Variants in NELL1 observed in about 807,000 individuals in gnomAD.
NELL1 encodes neural EGFL like 1.
In NELL1, 76 loss-of-function variants were observed where a neutral mutation model predicts 107.4. That is an observed-to-expected ratio of 0.71 (90% confidence interval 0.59 to 0.86). NELL1 has a LOEUF of 0.86. Ranked by LOEUF, NELL1 falls within the 40% of genes least tolerant of loss-of-function variation. NELL1 has a pLI of 0.00. For synonymous variants in NELL1, 353 were observed against 341.2 expected (o/e 1.03, Z -0.38); for missense variants, 1,024 against 1,005.5 (o/e 1.02, Z -0.25).
intron 3 of NELL1, among the ~76,000 whole-genome samples, chr11:20,829,068 A>AC (rs1554928140): frequency 6.6e-6 from 1 of 152,116 alleles, no homozygotes. Context: ...ACAGTGATTT[A>AC]TTTTTTTAAC....
chr11:21,305,441 G>A (rs1393725686), intron 14 of NELL1, among the ~76,000 whole-genome samples: 3 of 151,974 alleles, frequency 2.0e-5, no homozygotes, highest in African/African-American at 7.2e-5. Context: ...CCTGATGGGT[G>A]ACAAGCATAA....
chr11:20,826,655 G>C (rs946491793), intron 3 of NELL1, among the ~76,000 whole-genome samples: 1 of 151,020 alleles, frequency 6.6e-6, no homozygotes, highest in Non-Finnish European at 1.5e-5. Flanking sequence ...ACCGGCTGGG[G>C]GATTGACACC....
intron 12 of NELL1, among the ~76,000 whole-genome samples, chr11:21,093,731 A>G (rs1410472879): frequency 6.6e-6 from 1 of 152,224 alleles, no homozygotes; most frequent in Non-Finnish European, 1.5e-5. Context: ...GAGCTTGTGC[A>G]GTGGAACTTC....
In NELL1 at chr11:20,823,694, CAA is replaced by C. The variant is rs1184224903; in HGVS notation, c.336-23887_336-23886del. ...AATAAGTTTCCAGGTGATTCTAATG[CAA>C]ATACTCTGCCAAGTATGTGGGAATC... On this transcript the variant is annotated intron_variant, in intron 3 of 19. Coordinates refer to ENST00000357134, the MANE Select transcript of NELL1 (RefSeq NM_006157.5). Among the ~76,000 whole-genome samples, 3 of 151,036 alleles carry C rather than the reference CAA, an allele frequency of 2.0e-5. 1 individual carries two copies. Among genetic ancestry groups the C allele is most frequent in the Non-Finnish European group, 4.4e-5 (3 of 67,532 alleles).
At chr11:21,389,113 T>C (rs1851812201) in intron 15 of NELL1, among the ~76,000 whole-genome samples, 1 of 151,858 alleles carries the variant, frequency 6.6e-6, no homozygotes, top group South Asian at 2.1e-4. Context: ...CAATAGCTAG[T>C]ATTTTTCAGA....
At chr11:21,333,300 C>A (rs1306256903) in intron 14 of NELL1, among the ~76,000 whole-genome samples, 1 of 152,030 alleles carries the variant, frequency 6.6e-6, no homozygotes. Context: ...GTTTTGAATT[C>A]TATCATTTAC....
At chr11:20,719,692 G>A (rs1855334550) in intron 2 of NELL1, among the ~76,000 whole-genome samples, 1 of 152,168 alleles carries the variant, frequency 6.6e-6, no homozygotes, top group Non-Finnish European at 1.5e-5. Flanking sequence ...ACCCATAGAG[G>A]TTGGAAGCAT....
At chr11:20,860,711 G>T (rs1848963365) in intron 4 of NELL1, among the ~76,000 whole-genome samples, 1 of 152,146 alleles carries the variant, frequency 6.6e-6, no homozygotes, top group Admixed American at 6.5e-5. Context: ...TTTATATAAG[G>T]CTTTTGGTGA....
intron 5 of NELL1, among the ~76,000 whole-genome samples, chr11:20,912,322 A>G (rs1850150251): frequency 6.6e-6 from 1 of 152,114 alleles, no homozygotes; most frequent in Admixed American, 6.6e-5. Flanking sequence ...GAATTTTTTC[A>G]CTTCAAAACA....
Position 21,570,851 on chromosome 11 carries a change from G to C in NELL1, c.2068G>C (p.Val690Leu). Residue 690 changes from valine (V) to leucine (L), a missense_variant, in exon 18 of 20, where the codon GTC becomes CTC. Coordinates refer to ENST00000357134, the MANE Select transcript of NELL1 (RefSeq NM_006157.5). The part of the protein sequence containing the change: ...LFCCPECDTR[V>L]TSQCLDQNGH... ...CTGTTGCCCAGAATGTGACACCAGA[G>C]TCACAAGTCAATGTTTAGACCAAAA... is the stretch of plus-strand genomic sequence containing the variant. The C allele has an allele frequency of 6.2e-7, 1 of 1,612,044 alleles. No individual in the cohort carries two copies.
In NELL1 at chr11:21,062,867, G is replaced by A. The variant is rs1428621705; in HGVS notation, c.1301-50722G>A. 2.0e-5 allele frequency among the ~76,000 whole-genome samples: 3 copies of A among 151,760 alleles called. No individual in the cohort carries two copies. The South Asian group carries it at 6.3e-4, about 32-fold the overall frequency. ...TTTTTAGACAGAGTCTCACTCTGTC[G>A]CCCAGACTGGGGTGCATTGGCACAA... is the stretch of plus-strand genomic sequence containing the variant. On this transcript the variant is annotated intron_variant, in intron 12 of 19. Coordinates refer to ENST00000357134, the MANE Select transcript of NELL1 (RefSeq NM_006157.5).
intron 12 of NELL1, among the ~76,000 whole-genome samples, chr11:21,013,206 A>G (rs1399187518): frequency 1.3e-5 from 2 of 152,034 alleles, no homozygotes; most frequent in Admixed American, 1.3e-4. Flanking sequence ...CACTGTTCTA[A>G]TTTTTTGCAA....
intron 4 of NELL1, among the ~76,000 whole-genome samples, chr11:20,859,010 G>A (rs1029359599): frequency 6.6e-6 from 1 of 152,234 alleles, no homozygotes; most frequent in South Asian, 2.1e-4. Context: ...CATTTTGCCT[G>A]AGGAACGTGA....
At chr11:21,313,703 G>T (rs1255983042) in intron 14 of NELL1, among the ~76,000 whole-genome samples, 1 of 152,044 alleles carries the variant, frequency 6.6e-6, no homozygotes, top group African/African-American at 2.4e-5. Flanking sequence ...GGTAGTGCAG[G>T]GCATCACATG....
chr11:21,265,621 A>G lies in NELL1; in HGVS notation c.1549+36167A>G, dbSNP rs1848619929. Among the ~76,000 whole-genome samples the G allele has an allele frequency of 2.0e-5, 3 of 152,044 alleles. No homozygotes were observed. The South Asian group carries it at 6.2e-4, about 31-fold the overall frequency. On this transcript the variant is annotated intron_variant, in intron 14 of 19. Transcript: ENST00000357134. ...TTTATAATCATTGGTTCTCTAGGAC[A>G]ACATCCAATAAGTCTCAAGAGCTTT...
Position 21,299,626 on chromosome 11 carries a change from T to C in NELL1, c.1549+70172T>C, listed in dbSNP as rs571329432. On this transcript the variant is annotated intron_variant, in intron 14 of 19. Coordinates refer to ENST00000357134, the MANE Select transcript of NELL1 (RefSeq NM_006157.5). ...ACCTGTAATAAGTTAGACACTGTTT[T>C]AGGTCAGGGTGAGCAATCTGTGCAT... 3.3e-5 allele frequency among the ~76,000 whole-genome samples: 5 copies of C among 151,598 alleles called. No individual in the cohort carries two copies. The South Asian group carries it at 1.0e-3, about 32-fold the overall frequency.
intron 12 of NELL1, among the ~76,000 whole-genome samples, chr11:21,049,306 G>A (rs1354759879): frequency 6.6e-6 from 1 of 152,196 alleles, no homozygotes; most frequent in Non-Finnish European, 1.5e-5. Context: ...GCCTTTATAA[G>A]GGAGCTAGGC....
In NELL1 at chr11:21,086,733, G is replaced by C. The variant is rs189716104; in HGVS notation, c.1301-26856G>C. Among the ~76,000 whole-genome samples the C allele has an allele frequency of 1.5e-4, 22 of 150,824 alleles. 1 individual carries two copies. In the South Asian group the frequency reaches 4.6e-3, roughly 32 times the overall value. On this transcript the variant is annotated intron_variant, in intron 12 of 19. Transcript: ENST00000357134. ...AAGATAAAACTCAGTGTGACTTTCA[G>C]ATAAAGAGCTTCTGATTTGAAAGGC...
At position 21,146,280 on chromosome 11, in the gene NELL1, T is replaced by C. The variant is rs183080676; in HGVS notation, c.1426+32566T>C. ...AGTTAAAAAAAAAAATGACCAATGA[T>C]AAAGGGCCACTTACAGAGGCATAAG... On this transcript the variant is annotated intron_variant, in intron 13 of 19. Coordinates refer to ENST00000357134, the MANE Select transcript of NELL1 (RefSeq NM_006157.5). Among the ~76,000 whole-genome samples, 10 of 151,150 alleles carry C rather than the reference T, an allele frequency of 6.6e-5. No homozygotes were observed. The East Asian group carries it at 2.0e-3, about 30-fold the overall frequency.
Sources: allele counts gnomAD v4.1 joint callset (sites outside exome capture counted in the v4.1 genomes callset), GRCh38; gene constraint gnomAD v4.1.1; transcripts MANE v1.5; gene names NCBI Gene and HGNC (gene_info 2026-07-23, HGNC 2026-07-21).